The following SEMA5B variants were observed in gnomAD, a reference collection of about 807,000 sequenced individuals.
The protein encoded by SEMA5B is semaphorin-5B.
SEMA5B carries 66 observed loss-of-function variants against 135.0 expected under a neutral mutation model. The ratio of observed to expected loss-of-function variants is 0.49; its 90% CI spans 0.40 to 0.60. SEMA5B has a LOEUF of 0.60. SEMA5B is among the 20% of genes least tolerant of loss of function. The probability of loss-of-function intolerance (pLI) is 0.00; values close to 1 mark genes in which losing one functional copy is unlikely to be tolerated. For synonymous variants in SEMA5B, 690 were observed against 639.5 expected (o/e 1.08, Z -1.19); for missense variants, 1,501 against 1,566.3 (o/e 0.96, Z 0.70).
At chr3:123,020,920 G>A (rs1351421921) in intron 1 of SEMA5B, among the ~76,000 whole-genome samples, 1 of 152,200 alleles carries the variant, frequency 6.6e-6, no homozygotes, top group Non-Finnish European at 1.5e-5. Context: ...AGGAAAGTGA[G>A]GAAAGTCTCA....
At chr3:122,957,474 G>A (rs1053671499) in intron 2 of SEMA5B, among the ~76,000 whole-genome samples, 7 of 152,316 alleles carry the variant, frequency 4.6e-5, no homozygotes, top group African/African-American at 7.2e-5. Flanking sequence ...CTCATACTGC[G>A]GCCGACAAGG....
At chr3:122,935,051 C>G (rs1438130648) in intron 5 of SEMA5B, among the ~76,000 whole-genome samples, 1 of 152,038 alleles carries the variant, frequency 6.6e-6, no homozygotes, top group African/African-American at 2.4e-5. Context: ...GGTTCATGTA[C>G]AATTCTCTTT....
chr3:122,992,253 C>T (rs1277761765), intron 1 of SEMA5B, among the ~76,000 whole-genome samples: 1 of 152,226 alleles, frequency 6.6e-6, no homozygotes, highest in Non-Finnish European at 1.5e-5. Context: ...TGAAGCCCAG[C>T]AGCCCACGGG....
chr3:122,965,376 G>A (rs568918638), intron 1 of SEMA5B, among the ~76,000 whole-genome samples: 3 of 152,352 alleles, frequency 2.0e-5, no homozygotes, highest in African/African-American at 7.2e-5. Flanking sequence ...TCTGACCAAG[G>A]AGAAATAAGC....
chr3:122,992,074 G>A (rs764043199), intron 1 of SEMA5B, among the ~76,000 whole-genome samples: 4 of 152,138 alleles, frequency 2.6e-5, no homozygotes, highest in Admixed American at 1.3e-4. Flanking sequence ...TTGATGGGTA[G>A]GCAGGGGTCC....
intron 9 of SEMA5B, among the ~76,000 whole-genome samples, chr3:122,923,992 C>CCCTCCCTT (rs1283866821): frequency 6.6e-6 from 1 of 151,934 alleles, no homozygotes; most frequent in Non-Finnish European, 1.5e-5. Flanking sequence ...CTCCCTCCCT[C>CCCTCCCTT]CCTCCCTTAT....
At chr3:122,950,178 A>G (rs1939980995) in intron 2 of SEMA5B, among the ~76,000 whole-genome samples, 1 of 152,244 alleles carries the variant, frequency 6.6e-6, no homozygotes, top group Admixed American at 6.5e-5. Context: ...AATGACACTT[A>G]TCCTCACTCA....
Position 122,913,435 on chromosome 3 carries a change from C to T in SEMA5B, c.2281-11G>A, listed in dbSNP as rs1373644977. ...GCACGTCTTGAACTCCTGCGGGTGG[C>T]GGCAGAGGCAGCTTTAGAACCCCAC... is the stretch of plus-strand genomic sequence containing the variant. On this transcript the variant is annotated splice_polypyrimidine_tract_variant and intron_variant, in intron 16 of 22. Coordinates refer to ENST00000357599, the MANE Select transcript of SEMA5B (RefSeq NM_001031702.4). The T allele has an allele frequency of 6.4e-7, 1 of 1,560,062 alleles. No individual in the cohort carries two copies. The highest frequency in any genetic ancestry group is 8.6e-7 in the Non-Finnish European group (1 of 1,156,600).
chr3:122,948,130 G>A (rs190158236), intron 3 of SEMA5B, among the ~76,000 whole-genome samples: 1 of 152,096 alleles, frequency 6.6e-6, no homozygotes, highest in African/African-American at 2.4e-5. Context: ...CAGCCCCTTA[G>A]AGCAGAAGGA....
intron 12 of SEMA5B, among the ~76,000 whole-genome samples, chr3:122,917,948 T>C (rs1938157342): frequency 6.6e-6 from 1 of 152,038 alleles, no homozygotes; most frequent in Admixed American, 6.5e-5. Flanking sequence ...GAGACTCTGC[T>C]TACTGGCTGA....
chr3:122,910,947 G>A lies in SEMA5B; in HGVS notation c.3190C>T (p.Arg1064Cys), dbSNP rs753045874. 63 of 1,613,654 alleles carry A rather than the reference G, an allele frequency of 3.9e-5. No homozygotes were observed. The Admixed American group carries it at 6.3e-4, about 16-fold the overall frequency. Residue 1064 changes from arginine (R) to cysteine (C), a missense_variant, in exon 22 of 23, where the codon CGT (arginine) becomes TGT (cysteine). Physicochemically the swap from Arg to Cys is radical, Grantham distance 180. Coordinates refer to ENST00000357599, the MANE Select transcript of SEMA5B (RefSeq NM_001031702.4). Reference protein sequence around the residue: ...AVYLSCQHCQRQSQESTLVHP... With the variant: ...AVYLSCQHCQCQSQESTLVHP... ...ACCAGTGTGGACTCCTGGGACTGAC[G>A]CTGGCAGTGCTGGCAAGACAGGTAC...
At chr3:122,988,733 G>C (rs1035360011) in intron 1 of SEMA5B, among the ~76,000 whole-genome samples, 2 of 152,222 alleles carry the variant, frequency 1.3e-5, no homozygotes, top group African/African-American at 4.8e-5. Context: ...TCTGCTGGGA[G>C]AATGGCCAGA....
intron 1 of SEMA5B, among the ~76,000 whole-genome samples, chr3:123,009,815 C>G (rs1423575527): frequency 2.0e-5 from 3 of 152,122 alleles, no homozygotes; most frequent in African/African-American, 7.3e-5. Context: ...ATGGCTTTAG[C>G]TCTCTCTTTA....
At chr3:122,920,059 C>T (rs1938271084) in intron 12 of SEMA5B, among the ~76,000 whole-genome samples, 1 of 152,212 alleles carries the variant, frequency 6.6e-6, no homozygotes, top group Admixed American at 6.5e-5. Flanking sequence ...GCCACCTGGA[C>T]CATCCACCTG....
chr3:122,989,551 T>C (rs139394227), intron 1 of SEMA5B, among the ~76,000 whole-genome samples: 203 of 152,352 alleles, frequency 1.3e-3, no homozygotes, highest in Non-Finnish European at 2.4e-3. Context: ...AGGACCTCTC[T>C]GTCTCTATTC....
intron 18 of SEMA5B, 134 bp downstream of exon 18, chr3:122,912,709 G>T (rs1937802360): frequency 1.2e-6 from 1 of 860,258 alleles, no homozygotes; most frequent in Non-Finnish European, 1.8e-6. Context: ...TGCTCTGGGG[G>T]TCCCTAGCAC....
chr3:122,998,925 G>A (rs1942096069), intron 1 of SEMA5B, among the ~76,000 whole-genome samples: 1 of 152,160 alleles, frequency 6.6e-6, no homozygotes, highest in South Asian at 2.1e-4. Context: ...TAGACTTTGA[G>A]GGTGGGAAGA....
Position 122,910,231 on chromosome 3 carries a change from T to C in SEMA5B, c.3368A>G (p.Tyr1123Cys). 4 of 1,614,248 alleles carry C rather than the reference T, an allele frequency of 2.5e-6. No individual in the cohort carries two copies. Among genetic ancestry groups the C allele is most frequent in the Non-Finnish European group, 3.4e-6 (4 of 1,180,042 alleles). ...NFYPLQQTNV[Y>C]TTTYYPSPLN... ...GGGGCTTGGGTAGTAAGTAGTCGTG[T>C]ACACATTGGTCTGCTGCAATGGGTA... Residue 1123 changes from tyrosine to cysteine, a missense_variant, in exon 23 of 23, where the codon TAC becomes TGC. Coordinates refer to ENST00000357599, the MANE Select transcript of SEMA5B (RefSeq NM_001031702.4).
At chr3:122,910,387 G>C (rs1937625217) in intron 22 of SEMA5B, 86 bp from the exon 23 acceptor site, 1 of 1,419,988 alleles carries the variant, frequency 7.0e-7, no homozygotes, top group South Asian at 1.3e-5. Flanking sequence ...CCAGAAGCCA[G>C]CCGTGCAAGA....
Sources: gnomAD v4.1 joint callset for allele counts (sites outside exome capture counted in the v4.1 genomes callset) on GRCh38, gnomAD v4.1.1 for gene constraint, MANE v1.5 for transcripts, NCBI Gene and HGNC (gene_info 2026-07-23, HGNC 2026-07-21) for gene names.